SDK2: variants seen among roughly 807,000 people sequenced by gnomAD.
SDK2 encodes sidekick cell adhesion molecule 2, also known as protein sidekick-2.
Under a neutral mutation model 253.9 loss-of-function variants are expected in SDK2, and 105 were observed. That is an observed-to-expected ratio of 0.41 (90% CI 0.35 to 0.49). The LOEUF (loss-of-function observed/expected upper bound fraction) is 0.49, where lower values mean the gene tolerates loss of function less well. SDK2 is among the 20% of genes least tolerant of loss of function. SDK2 has a pLI of 0.06. For synonymous variants in SDK2, 1,249 were observed against 1,234.9 expected (o/e 1.01, Z -0.24); for missense variants, 2,608 against 3,003.0 (o/e 0.87, Z 3.07).
intron 1 of SDK2, among the ~76,000 whole-genome samples, chr17:73,632,421 G>C (rs1220357732): frequency 6.6e-6 from 1 of 152,154 alleles, no homozygotes; most frequent in Non-Finnish European, 1.5e-5. Flanking sequence ...TTGAACATCG[G>C]ACTCCAAGTT....
chr17:73,472,972 T>C (rs1401984708), intron 2 of SDK2, among the ~76,000 whole-genome samples: 1 of 152,248 alleles, frequency 6.6e-6, no homozygotes, highest in African/African-American at 2.4e-5. Flanking sequence ...CACATGGAAC[T>C]GTGAGTCCAT....
intron 1 of SDK2, among the ~76,000 whole-genome samples, chr17:73,579,631 A>C (rs913174635): frequency 6.6e-6 from 1 of 152,218 alleles, no homozygotes; most frequent in Non-Finnish European, 1.5e-5. Context: ...CACTGAGGTA[A>C]AATGAGGTCA....
chr17:73,399,123 G>C, intron 22 of SDK2, 45 bp downstream of exon 22: 1 of 1,602,172 alleles, frequency 6.2e-7, no homozygotes. Flanking sequence ...AAGGGCACGG[G>C]GTGCCCTGGC....
At chr17:73,355,174 A>ATATATATATATATTTTTTTTT in intron 40 of SDK2, among the ~76,000 whole-genome samples, 73 of 47,190 alleles carry the variant, frequency 1.5e-3, no homozygotes, top group Non-Finnish European at 1.8e-3. Flanking sequence ...ATATATATAT[A>ATATATATATATATTTTTTTTT]TTTTTTTTTT....
chr17:73,467,575 A>G lies in SDK2; in HGVS notation c.331+4537T>C, dbSNP rs2063611138. On this transcript the variant is annotated intron_variant, in intron 3 of 44. Transcript: ENST00000392650. The surrounding 1 kb of genome is among the most constrained non-coding windows in gnomAD (Gnocchi z 4.1). ...GTGGGGCTGGGACAGAGGATTCTTCAGCTTCTACAGCTAGAGAGGGAGGCC... is the reference window on the plus strand; with the variant it reads ...GTGGGGCTGGGACAGAGGATTCTTCGGCTTCTACAGCTAGAGAGGGAGGCC... Among the ~76,000 whole-genome samples the G allele has an allele frequency of 1.3e-5, 2 of 152,120 alleles. No homozygotes were observed. Among genetic ancestry groups the G allele is most frequent in the Admixed American group, 1.3e-4 (2 of 15,274 alleles).
At chr17:73,375,230 C>CTTTTTTTTTTTTTTTTTT (rs33992958) in intron 36 of SDK2, among the ~76,000 whole-genome samples, 1 of 58,578 alleles carries the variant, frequency 1.7e-5, no homozygotes, top group African/African-American at 7.1e-5. Context: ...TCCTAACAAC[C>CTTTTTTTTTTTTTTTTTT]TTTTTTTTTT....
At position 73,338,624 on chromosome 17, in the gene SDK2, G is replaced by A. The variant is rs754491697; in HGVS notation, c.6482C>T (p.Ser2161Phe). Residue 2161 changes from serine to phenylalanine, a missense_variant, in exon 45 of 45, where the codon TCC becomes TTC. Transcript: ENST00000392650. The surrounding 1 kb of genome is among the most constrained non-coding windows in gnomAD (Gnocchi z 5.0). ...TGAAAATCCTGCTATGGGAGCCCGG[G>A]AGCCTGGGGCCAGGCTGCTGGGGGG... ...YRPPSSLAPGSRAPIAGFSSF... is the reference protein window; with the variant it reads ...YRPPSSLAPGFRAPIAGFSSF... The A allele has an allele frequency of 1.3e-6, 2 of 1,530,772 alleles. No individual in the cohort carries two copies. The highest frequency in any genetic ancestry group is 2.2e-5 in the Admixed American group (1 of 45,778). 94.8% of individuals were successfully genotyped at this position (1,530,772 alleles called of 1,614,324 possible).
intron 4 of SDK2, among the ~76,000 whole-genome samples, chr17:73,452,309 G>A (rs2063495822): frequency 6.6e-6 from 1 of 152,008 alleles, no homozygotes; most frequent in Admixed American, 6.5e-5. Flanking sequence ...CTCATCAGAT[G>A]TGTATCTCTG....
chr17:73,400,797 G>T (rs138410168), intron 21 of SDK2, among the ~76,000 whole-genome samples: 1 of 152,194 alleles, frequency 6.6e-6, no homozygotes, highest in Non-Finnish European at 1.5e-5. Context: ...GGGATCACAA[G>T]CATGCACCAC....
chr17:73,586,500 C>A (rs1318066115), intron 1 of SDK2, among the ~76,000 whole-genome samples: 1 of 152,082 alleles, frequency 6.6e-6, no homozygotes, highest in African/African-American at 2.4e-5. Flanking sequence ...TCTTCTTAAT[C>A]AAATCTTATC....
intron 2 of SDK2, among the ~76,000 whole-genome samples, chr17:73,492,732 C>T (rs1567804225): frequency 6.6e-6 from 1 of 152,162 alleles, no homozygotes; most frequent in Non-Finnish European, 1.5e-5. Context: ...CCAAATGGCC[C>T]ACTGCAGATA....
At chr17:73,368,653 C>A (rs1326064503) in intron 36 of SDK2, 60 bp from the exon 37 acceptor site, 2 of 1,371,548 alleles carry the variant, frequency 1.5e-6, no homozygotes, top group African/African-American at 2.9e-5. Context: ...TCCCTCCTGT[C>A]CCTGCTGACC....
rs771082663 is a variant in SDK2 at position 73,350,234 on chromosome 17, T to C, written c.6038+3A>G. On this transcript the variant is annotated splice_donor_region_variant and intron_variant, in intron 43 of 44. Transcript: ENST00000392650. The stretch of plus-strand genomic sequence containing the variant: ...CCCCCAACCCACGCAGAGGGCCCAG[T>C]ACCTGGTGTACAGGCCGTTCTTTCG... The C allele has an allele frequency of 1.9e-6, 3 of 1,587,622 alleles. No homozygotes were observed. Among genetic ancestry groups the C allele is most frequent in the Admixed American group, 1.8e-5 (1 of 55,632 alleles).
chr17:73,365,405 A>C lies in SDK2; in HGVS notation c.5168-10T>G. On this transcript the variant is annotated splice_polypyrimidine_tract_variant and intron_variant, in intron 37 of 44. Coordinates refer to ENST00000392650, the MANE Select transcript of SDK2 (RefSeq NM_001144952.2). ...CTGGGAGCGCTGGGGGCTGCGGGAG[A>C]CAGCAAAGGGTTTTTGTTTCCTTCT... 6.3e-7 allele frequency: 1 copy of C among 1,598,310 alleles called. No homozygotes were observed. The highest frequency in any genetic ancestry group is 8.5e-7 in the Non-Finnish European group (1 of 1,173,690).
intron 18 of SDK2, among the ~76,000 whole-genome samples, chr17:73,411,818 C>T (rs1411356823): frequency 1.4e-5 from 2 of 147,022 alleles, no homozygotes; most frequent in Admixed American, 6.9e-5. Flanking sequence ...CAGAGTCTCG[C>T]TGGAGTGTAG....
intron 21 of SDK2, among the ~76,000 whole-genome samples, chr17:73,399,514 C>A (rs564146935): frequency 6.6e-6 from 1 of 152,198 alleles, no homozygotes; most frequent in South Asian, 2.1e-4. Flanking sequence ...CAAAGGGGAT[C>A]TCCTAGGGCT....
chr17:73,340,733 A>G (rs1191143246), intron 44 of SDK2, among the ~76,000 whole-genome samples: 1 of 54,060 alleles, frequency 1.8e-5, no homozygotes. Flanking sequence ...AAAACCTTAA[A>G]GTTTTTTTTT....
chr17:73,461,400 C>T (rs1048945988), intron 3 of SDK2, among the ~76,000 whole-genome samples: 13 of 152,082 alleles, frequency 8.5e-5, no homozygotes, highest in Non-Finnish European at 1.5e-4. Context: ...TGACAACTGT[C>T]GAAAAGGAGG....
In SDK2 at chr17:73,361,845, C is replaced by T. The variant is rs779621913; in HGVS notation, c.5306G>A (p.Gly1769Glu). 1 of 1,581,752 alleles carries T rather than the reference C, an allele frequency of 6.3e-7. No individual in the cohort carries two copies. The highest frequency in any genetic ancestry group is 8.6e-7 in the Non-Finnish European group (1 of 1,161,184). The change falls in exon 39 of 45, where the codon GGA becomes GAA. Residue 1769 changes from glycine (G) to glutamate (E), a missense_variant and splice_region_variant. Physicochemically the swap from Gly to Glu is moderately conservative, Grantham distance 98. Transcript: ENST00000392650. This position sits in a 1 kb window ranked among gnomAD's most constrained non-coding sequence, Gnocchi z 4.1. ...GTCCACGGTCACGATCTTGCTGACT[C>T]CTGGGGGAGGCACAGCAAGTGGGGA... Reference protein sequence around the residue: ...LVYEPCSPVDGVSKIVTVDVK... With the variant: ...LVYEPCSPVDEVSKIVTVDVK...
Sources: gnomAD v4.1 joint callset for allele counts (sites outside exome capture counted in the v4.1 genomes callset) on GRCh38, gnomAD v4.1.1 for gene constraint, Gnocchi (gnomAD v3.1) non-coding constraint, MANE v1.5 for transcripts, NCBI Gene and HGNC (gene_info 2026-07-23, HGNC 2026-07-21) for gene names.